The following HCN3 variants were observed in gnomAD, a reference collection of about 807,000 sequenced individuals.
HCN3 encodes hyperpolarization activated cyclic nucleotide gated potassium channel 3, also known as potassium/sodium hyperpolarization-activated cyclic nucleotide-gated channel 3.
Under a neutral mutation model 56.8 loss-of-function variants are expected in HCN3, and 36 were observed. That is an observed-to-expected ratio of 0.63 (90% confidence interval 0.49 to 0.84). HCN3 has a LOEUF of 0.84. Among genes scored for constraint, HCN3 ranks in the 40% least tolerant of loss-of-function variants. The pLI, the probability that HCN3 is intolerant of heterozygous loss-of-function variation, is 0.00. For missense variants in HCN3, 930 were observed against 1,079.3 expected (o/e 0.86, Z 1.94); for synonymous variants, 425 against 439.7 (o/e 0.97, Z 0.42).
chr1:155,282,679 G>T lies in HCN3; in HGVS notation c.547G>T (p.Val183Leu). 4 of 1,614,232 alleles carry T rather than the reference G, an allele frequency of 2.5e-6. No homozygotes were observed. Among genetic ancestry groups the T allele is most frequent in the Non-Finnish European group, 3.4e-6 (4 of 1,180,048 alleles). ...GGTTGACCTCATCTCTTCTATCCCT[G>T]TGGATTACATCTTCCTAGTGGTGGA... ...FLVDLISSIP[V>L]DYIFLVVELE... The change falls in exon 2 of 8, where the codon GTG becomes TTG. Residue 183 changes from valine (V) to leucine (L), a missense_variant. Val to Leu is a conservative substitution (Grantham distance 32). Coordinates refer to ENST00000368358, the MANE Select transcript of HCN3 (RefSeq NM_020897.3). The surrounding 1 kb of genome is among the most constrained non-coding windows in gnomAD (Gnocchi z 4.7).
In HCN3 at chr1:155,287,216, G is replaced by T. The variant is rs1454433516; in HGVS notation, c.1521G>T (p.Arg507=). The part of the protein sequence containing the change: ...LTRGRRTASV[R]ADTYCRLYSL... Reference sequence around the variant, plus strand: ...GGGGCCGGCGCACAGCCAGTGTTCGGGCTGACACCTACTGCCGCCTTTACT... The same window carrying T: ...GGGGCCGGCGCACAGCCAGTGTTCGTGCTGACACCTACTGCCGCCTTTACT... The change falls in exon 7 of 8, where the codon CGG becomes CGT. Residue 507 remains arginine (R), a synonymous_variant. Coordinates refer to ENST00000368358, the MANE Select transcript of HCN3 (RefSeq NM_020897.3). The T allele has an allele frequency of 4.3e-6, 7 of 1,613,938 alleles. No homozygotes were observed. Among genetic ancestry groups the T allele is most frequent in the Non-Finnish European group, 5.1e-6 (6 of 1,179,958 alleles).
In HCN3 at chr1:155,282,755, G is replaced by A; in HGVS notation, c.623G>A (p.Arg208His). 1 of 1,614,154 alleles carries A rather than the reference G, an allele frequency of 6.2e-7. No individual in the cohort carries two copies. The highest frequency in any genetic ancestry group is 8.5e-7 in the Non-Finnish European group (1 of 1,180,038). The stretch of plus-strand genomic sequence containing the variant: ...GTCTACAAAACGGCACGGGCCCTAC[G>A]CATCGTTCGCTTCACCAAGATCCTA... ...AEVYKTARAL[R>H]IVRFTKILSL... is the part of the protein sequence containing the mutation. The change falls in exon 2 of 8, where the codon CGC becomes CAC. Residue 208 changes from arginine (R) to histidine (H), a missense_variant. Transcript: ENST00000368358. This position sits in a 1 kb window ranked among gnomAD's most constrained non-coding sequence, Gnocchi z 4.7.
In HCN3 at chr1:155,282,510, G is replaced by C; in HGVS notation, c.378G>C (p.Trp126Cys). 1 of 1,614,246 alleles carries C rather than the reference G, an allele frequency of 6.2e-7. No homozygotes were observed. Among genetic ancestry groups the C allele is most frequent in the Non-Finnish European group, 8.5e-7 (1 of 1,180,054 alleles). Reference sequence around the variant, plus strand: ...TCAAGGAGGAGAACTCCCCGCCTTGGATCGTCTTCAACGTATTGTCTGATA... The same window carrying C: ...TCAAGGAGGAGAACTCCCCGCCTTGCATCGTCTTCAACGTATTGTCTGATA... Reference protein sequence around the residue: ...TFFKEENSPPWIVFNVLSDTF... With the variant: ...TFFKEENSPPCIVFNVLSDTF... The change falls in exon 2 of 8, where the codon TGG becomes TGC. Residue 126 changes from tryptophan to cysteine, a missense_variant. Trp to Cys is a radical substitution (Grantham distance 215). Transcript: ENST00000368358. This position sits in a 1 kb window ranked among gnomAD's most constrained non-coding sequence, Gnocchi z 4.7.
rs112049548 is a variant in HCN3 at position 155,287,215 on chromosome 1, G to A, written c.1520G>A (p.Arg507Gln). Residue 507 changes from arginine (R) to glutamine (Q), a missense_variant, in exon 7 of 8, where the codon CGG (arginine) becomes CAG (glutamine). By Grantham distance (43) the Arg-to-Gln change is conservative. Coordinates refer to ENST00000368358, the MANE Select transcript of HCN3 (RefSeq NM_020897.3). ...AGGGGCCGGCGCACAGCCAGTGTTC[G>A]GGCTGACACCTACTGCCGCCTTTAC... ...LTRGRRTASVRADTYCRLYSL... is the reference protein window; with the variant it reads ...LTRGRRTASVQADTYCRLYSL... 12 of 1,613,890 alleles carry A rather than the reference G, an allele frequency of 7.4e-6. No homozygotes were observed. The East Asian group carries it at 1.1e-4, about 15-fold the overall frequency.
At chr1:155,287,051 A>G (rs1572043613) in intron 6 of HCN3, 122 bp from the exon 7 acceptor site, 2 of 1,113,794 alleles carry the variant, frequency 1.8e-6, no homozygotes, top group East Asian at 5.0e-5. Flanking sequence ...GTAATAGGTA[A>G]TCAATGGTTT....
In HCN3 at chr1:155,288,224, CCCCCT is replaced by C; in HGVS notation, c.2089_2093del (p.Pro697ArgfsTer34). The C allele has an allele frequency of 6.3e-7, 1 of 1,579,204 alleles. No homozygotes were observed. Among genetic ancestry groups the C allele is most frequent in the South Asian group, 1.1e-5 (1 of 88,676 alleles). The stretch of plus-strand genomic sequence containing the variant: ...GCGCTCCCAGGTCTCCCTGCTGGGT[CCCCCT>C]CCAGGAGGAGGTGGACGGCGGCTAG... On this transcript the variant is annotated frameshift_variant, in exon 8 of 8. Coordinates refer to ENST00000368358, the MANE Select transcript of HCN3 (RefSeq NM_020897.3). LOFTEE classifies it high-confidence loss of function. This position sits in a 1 kb window ranked among gnomAD's most constrained non-coding sequence, Gnocchi z 6.5.
At chr1:155,280,264 T>TTTTA (rs58830301) in intron 1 of HCN3, among the ~76,000 whole-genome samples, 56,344 of 148,280 alleles carry the variant, frequency 0.38, 12,699 homozygotes, top group East Asian at 0.69. Flanking sequence ...TATTTATTTA[T>TTTTA]TTTATTTATT....
rs1674422997 is a variant in HCN3 at position 155,289,105 on chromosome 1, C to T, written c.*642C>T. 1 of 152,666 alleles carries T rather than the reference C, an allele frequency of 6.6e-6. No homozygotes were observed. The highest frequency in any genetic ancestry group is 6.5e-5 in the Admixed American group (1 of 15,282). The allele number at this position is 152,666 out of a possible 1,614,324, so 9.5% of individuals were successfully genotyped here. On this transcript the variant is annotated 3_prime_UTR_variant, in exon 8 of 8. Transcript: ENST00000368358. ...TTCTAAGTTCCCTGCAGTCTCTGTC[C>T]TGTGGTAGACCATCTTTTTGTAAAC... is the stretch of plus-strand genomic sequence containing the variant.
chr1:155,284,224 G>A lies in HCN3; in HGVS notation c.870+89G>A, dbSNP rs983584573. ...GGGATGGCCACAGGGAGCAGGAGGT[G>A]GGAGATGATCACAACAGAAAATAGG... On this transcript the variant is annotated intron_variant, in intron 3 of 7. Transcript: ENST00000368358. The surrounding 1 kb of genome is among the most constrained non-coding windows in gnomAD (Gnocchi z 4.3). 1.4e-6 allele frequency: 2 copies of A among 1,468,664 alleles called. No homozygotes were observed. The highest frequency in any genetic ancestry group is 1.9e-5 in the Admixed American group (1 of 53,598). The allele number at this position is 1,468,664 out of a possible 1,614,324, so 91.0% of individuals were successfully genotyped here.
chr1:155,277,550 GAGGGCTCTA>G lies in HCN3; in HGVS notation c.-40_-32del. On this transcript the variant is annotated 5_prime_UTR_variant, in exon 1 of 8. Coordinates refer to ENST00000368358, the MANE Select transcript of HCN3 (RefSeq NM_020897.3). ...GGGTTGCGGGTACCTGATGGCCACAGAGGGCTCTAGGAGGCCGAGCGTGTAAGCGGGGTG... is the reference window on the plus strand; with the variant it reads ...GGGTTGCGGGTACCTGATGGCCACAGGGAGGCCGAGCGTGTAAGCGGGGTG... 7 of 1,528,182 alleles carry G rather than the reference GAGGGCTCTA, an allele frequency of 4.6e-6. No homozygotes were observed. Among genetic ancestry groups the G allele is most frequent in the Non-Finnish European group, 6.1e-6 (7 of 1,138,290 alleles). 94.7% of individuals were successfully genotyped at this position (1,528,182 alleles called of 1,614,324 possible).
chr1:155,287,197 G>A lies in HCN3; in HGVS notation c.1502G>A (p.Arg501Gln), dbSNP rs931531090. 7.4e-6 allele frequency: 12 copies of A among 1,613,476 alleles called. 1 individual carries two copies. The highest frequency in any genetic ancestry group is 4.0e-5 in the African/African-American group (3 of 74,856). Residue 501 changes from arginine (R) to glutamine (Q), a missense_variant, in exon 7 of 8, where the codon CGG (arginine) becomes CAG (glutamine). Physicochemically the swap from Arg to Gln is conservative, Grantham distance 43. Transcript: ENST00000368358. ...FGEICLLTRG[R>Q]RTASVRADTY... ...GAGATCTGCCTGCTAACTAGGGGCC[G>A]GCGCACAGCCAGTGTTCGGGCTGAC...
rs1428691965 is a variant in HCN3, at chr1:155,277,562, A to T, written c.-29A>T. The stretch of plus-strand genomic sequence containing the variant: ...CCTGATGGCCACAGAGGGCTCTAGG[A>T]GGCCGAGCGTGTAAGCGGGGTGGGC... On this transcript the variant is annotated 5_prime_UTR_variant, in exon 1 of 8. Transcript: ENST00000368358. 7 of 1,547,066 alleles carry T rather than the reference A, an allele frequency of 4.5e-6. No homozygotes were observed. Among genetic ancestry groups the T allele is most frequent in the Non-Finnish European group, 6.1e-6 (7 of 1,148,318 alleles).
Position 155,285,763 on chromosome 1 carries a change from A to G in HCN3, c.1276A>G (p.Met426Val). 4 of 1,614,078 alleles carry G rather than the reference A, an allele frequency of 2.5e-6. No homozygotes were observed. The highest frequency in any genetic ancestry group is 3.4e-6 in the Non-Finnish European group (4 of 1,180,000). Residue 426 changes from methionine to valine, a missense_variant, in exon 6 of 8, where the codon ATG becomes GTG. By Grantham distance (21) the Met-to-Val change is conservative. Transcript: ENST00000368358. The surrounding 1 kb of genome is among the most constrained non-coding windows in gnomAD (Gnocchi z 4.5). ...CACCTGTCGGGGCCTGGTGGCCCAC[A>G]TGCCGCTGTTTGCCCATGCCGACCC... ...NFTCRGLVAHMPLFAHADPSF... is the reference protein window; with the variant it reads ...NFTCRGLVAHVPLFAHADPSF...
rs200927035 is a variant in HCN3, at chr1:155,287,286, A to G, written c.1591A>G (p.Met531Val). The G allele has an allele frequency of 4.8e-5, 77 of 1,614,000 alleles. No individual in the cohort carries two copies. The Admixed American group carries it at 1.2e-3, about 26-fold the overall frequency. ...HFNAVLEEFP[M>V]MRRAFETVAM... ...CAATGCTGTGCTTGAGGAGTTCCCCATGATGCGCCGGGCCTTTGAGACTGT... is the reference window on the plus strand; with the variant it reads ...CAATGCTGTGCTTGAGGAGTTCCCCGTGATGCGCCGGGCCTTTGAGACTGT... The change falls in exon 7 of 8, where the codon ATG becomes GTG. Residue 531 changes from methionine to valine, a missense_variant. Physicochemically the swap from Met to Val is conservative, Grantham distance 21. Transcript: ENST00000368358.
chr1:155,287,798 C>T lies in HCN3; in HGVS notation c.1660C>T (p.Leu554=), dbSNP rs1217889529. Reference sequence around the variant, plus strand: ...ACTTCTAGGCAAGAAGAATTCCATACTGCAGCGGAAGCGCTCCGAGCCAAG... The same window carrying T: ...ACTTCTAGGCAAGAAGAATTCCATATTGCAGCGGAAGCGCTCCGAGCCAAG... ...LLRIGKKNSI[L]QRKRSEPSPG... Residue 554 remains leucine, a synonymous_variant, in exon 8 of 8, where the codon CTG becomes TTG. Transcript: ENST00000368358. 1.3e-6 allele frequency: 2 copies of T among 1,592,434 alleles called. No homozygotes were observed. The highest frequency in any genetic ancestry group is 2.3e-5 in the South Asian group (2 of 88,118).
chr1:155,277,554 G>T lies in HCN3; in HGVS notation c.-37G>T. Reference sequence around the variant, plus strand: ...TGCGGGTACCTGATGGCCACAGAGGGCTCTAGGAGGCCGAGCGTGTAAGCG... The same window carrying T: ...TGCGGGTACCTGATGGCCACAGAGGTCTCTAGGAGGCCGAGCGTGTAAGCG... On this transcript the variant is annotated 5_prime_UTR_variant, in exon 1 of 8. Coordinates refer to ENST00000368358, the MANE Select transcript of HCN3 (RefSeq NM_020897.3). The T allele has an allele frequency of 6.5e-7, 1 of 1,537,960 alleles. No homozygotes were observed. The highest frequency in any genetic ancestry group is 2.4e-5 in the East Asian group (1 of 42,238).
Position 155,282,418 on chromosome 1 carries a change from T to C in HCN3, c.286T>C (p.Trp96Arg). The change falls in exon 2 of 8, where the codon TGG (tryptophan) becomes CGG (arginine). Residue 96 changes from tryptophan to arginine, a missense_variant. Trp to Arg is a moderately radical substitution (Grantham distance 101). Transcript: ENST00000368358. The surrounding 1 kb of genome is among the most constrained non-coding windows in gnomAD (Gnocchi z 4.7). ...IHPYSDFRFY[W>R]DLIMLLLMVG... Reference sequence around the variant, plus strand: ...ATCTCACTCCCACCTTAGGTTTTACTGGGACCTGATCATGCTGCTGCTGAT... The same window carrying C: ...ATCTCACTCCCACCTTAGGTTTTACCGGGACCTGATCATGCTGCTGCTGAT... The C allele has an allele frequency of 6.2e-7, 1 of 1,614,172 alleles. No homozygotes were observed. The highest frequency in any genetic ancestry group is 8.5e-7 in the Non-Finnish European group (1 of 1,180,006).
At position 155,285,638 on chromosome 1, in the gene HCN3, G is replaced by A; in HGVS notation, c.1237-86G>A. The stretch of plus-strand genomic sequence containing the variant: ...TCCTTTGGCAGAACATGACCCCAGG[G>A]GTGGGGTTTCTGGAAGCGGATGAGC... On this transcript the variant is annotated intron_variant, in intron 5 of 7. Coordinates refer to ENST00000368358, the MANE Select transcript of HCN3 (RefSeq NM_020897.3). This position sits in a 1 kb window ranked among gnomAD's most constrained non-coding sequence, Gnocchi z 4.5. The A allele has an allele frequency of 6.5e-7, 1 of 1,540,502 alleles. No homozygotes were observed. The highest frequency in any genetic ancestry group is 1.4e-5 in the African/African-American group (1 of 73,758).
chr1:155,279,141 T>C (rs1673923757), intron 1 of HCN3, among the ~76,000 whole-genome samples: 2 of 152,204 alleles, frequency 1.3e-5, no homozygotes, highest in Non-Finnish European at 2.9e-5. Context: ...AGGAAGTTTC[T>C]TTCAGGGCTG....
Sources: allele counts gnomAD v4.1 joint callset (sites outside exome capture counted in the v4.1 genomes callset), GRCh38; gene constraint gnomAD v4.1.1; non-coding constraint Gnocchi (gnomAD v3.1); transcripts MANE v1.5; gene names NCBI Gene and HGNC (gene_info 2026-07-23, HGNC 2026-07-21).